Variants in NKAIN2 observed in about 807,000 individuals in gnomAD.
The protein encoded by NKAIN2 is sodium/potassium transporting ATPase interacting 2, also known as sodium/potassium-transporting ATPase subunit beta-1-interacting protein 2.
A neutral mutation model predicts 32.6 loss-of-function variants in NKAIN2; 14 were observed. The ratio of observed to expected loss-of-function variants is 0.43; its 90% CI spans 0.28 to 0.67. The LOEUF (loss-of-function observed/expected upper bound fraction) is 0.67, where lower values mean the gene tolerates loss of function less well. NKAIN2 is among the 30% of genes least tolerant of loss of function. NKAIN2 has a pLI of 0.17. For synonymous variants in NKAIN2, 80 were observed against 87.2 expected, an observed-to-expected ratio of 0.92 and a Z score of 0.46; for missense variants, 198 against 258.3, an observed-to-expected ratio of 0.77 and a Z score of 1.60.
intron 1 of NKAIN2, among the ~76,000 whole-genome samples, chr6:124,175,885 A>G (rs185849123): frequency 4.0e-5 from 6 of 150,962 alleles, no homozygotes; most frequent in Admixed American, 2.0e-4. Context: ...TCTCTTTCTC[A>G]CTCTTTATTT....
At chr6:123,880,495 G>C (rs997933475) in intron 1 of NKAIN2, among the ~76,000 whole-genome samples, 1 of 152,138 alleles carries the variant, frequency 6.6e-6, no homozygotes, top group Non-Finnish European at 1.5e-5. Context: ...TAGCTTGGCA[G>C]CTGTAGCACC....
At chr6:124,405,537 C>CT (rs200131120) in intron 3 of NKAIN2, among the ~76,000 whole-genome samples, 24,690 of 139,242 alleles carry the variant, frequency 0.18, 2,388 homozygotes, top group East Asian at 0.25. Context: ...TTTGTTTTGT[C>CT]TTTTTTTTTT....
intron 1 of NKAIN2, among the ~76,000 whole-genome samples, chr6:124,239,396 TA>T (rs1193886299): frequency 2.0e-5 from 3 of 152,166 alleles, no homozygotes; most frequent in African/African-American, 7.2e-5. Context: ...CAAGCAGACC[TA>T]ATAGACATCT....
chr6:124,439,839 G>A (rs961521233), intron 3 of NKAIN2, among the ~76,000 whole-genome samples: 6 of 151,824 alleles, frequency 4.0e-5, no homozygotes, highest in Non-Finnish European at 8.8e-5. Context: ...TCTGGTCCCC[G>A]CACTTCATCT....
intron 3 of NKAIN2, among the ~76,000 whole-genome samples, chr6:124,466,549 A>G (rs940467531): frequency 6.6e-6 from 1 of 151,968 alleles, no homozygotes; most frequent in Non-Finnish European, 1.5e-5. Flanking sequence ...AAATCCTATG[A>G]CCTTGAAAGA....
chr6:124,610,459 T>C (rs1782649832), intron 3 of NKAIN2, among the ~76,000 whole-genome samples: 1 of 152,234 alleles, frequency 6.6e-6, no homozygotes, highest in African/African-American at 2.4e-5. Context: ...ATATTTGTCA[T>C]AGCAAAGGGA....
At chr6:123,983,921 T>G (rs1211898735) in intron 1 of NKAIN2, among the ~76,000 whole-genome samples, 2 of 152,176 alleles carry the variant, frequency 1.3e-5, no homozygotes, top group African/African-American at 4.8e-5. Flanking sequence ...TATTTATTTT[T>G]TTTGAGATGG....
chr6:124,137,256 C>A (rs1257500275), intron 1 of NKAIN2, among the ~76,000 whole-genome samples: 1 of 151,894 alleles, frequency 6.6e-6, no homozygotes, highest in East Asian at 1.9e-4. Context: ...ATCTTTTTTT[C>A]AACGACTGGA....
At chr6:124,126,100 C>G (rs886088492) in intron 1 of NKAIN2, among the ~76,000 whole-genome samples, 1 of 152,126 alleles carries the variant, frequency 6.6e-6, no homozygotes, top group Non-Finnish European at 1.5e-5. Context: ...TGTCCTTCAT[C>G]CTAACTCAGG....
At chr6:124,116,886 A>C (rs1181186237) in intron 1 of NKAIN2, among the ~76,000 whole-genome samples, 2 of 152,114 alleles carry the variant, frequency 1.3e-5, no homozygotes, top group Non-Finnish European at 2.9e-5. Flanking sequence ...TGCAGAAAAA[A>C]TAATTTAAGA....
chr6:124,323,777 ATTTTTTCT>A (rs1263570878), intron 2 of NKAIN2, among the ~76,000 whole-genome samples: 12 of 115,496 alleles, frequency 1.0e-4, no homozygotes, highest in African/African-American at 4.7e-4. Context: ...AATTCTTTTA[ATTTTTTCT>A]TTTTTTTTTT....
chr6:124,287,764 A>C (rs1313205080), intron 2 of NKAIN2, among the ~76,000 whole-genome samples: 1 of 152,164 alleles, frequency 6.6e-6, no homozygotes, highest in Non-Finnish European at 1.5e-5. Context: ...GTGATCTGAG[A>C]TATCCAGTGT....
At chr6:124,506,186 A>AG (rs1204130254) in intron 3 of NKAIN2, among the ~76,000 whole-genome samples, 2 of 151,880 alleles carry the variant, frequency 1.3e-5, no homozygotes, top group African/African-American at 2.4e-5. Flanking sequence ...GTCTAAAAAA[A>AG]AAAGAAAAAA....
intron 1 of NKAIN2, among the ~76,000 whole-genome samples, chr6:124,076,298 A>G (rs1051979829): frequency 2.0e-5 from 3 of 152,176 alleles, no homozygotes; most frequent in Non-Finnish European, 4.4e-5. Flanking sequence ...CCACTGTCTG[A>G]GCTGGAAATA....
intron 1 of NKAIN2, among the ~76,000 whole-genome samples, chr6:124,029,387 C>G (rs1211149680): frequency 1.3e-5 from 2 of 149,302 alleles, no homozygotes; most frequent in Admixed American, 1.3e-4. Flanking sequence ...ATTTACCGTT[C>G]ATTTTATTTA....
chr6:124,708,264 G>A (rs937125679), intron 4 of NKAIN2, among the ~76,000 whole-genome samples: 1 of 150,448 alleles, frequency 6.6e-6, no homozygotes, highest in African/African-American at 2.5e-5. Context: ...ATAGTTTGAA[G>A]TCAGGTAGTG....
At chr6:124,359,180 G>A (rs1799147083) in intron 3 of NKAIN2, among the ~76,000 whole-genome samples, 1 of 152,164 alleles carries the variant, frequency 6.6e-6, no homozygotes, top group African/African-American at 2.4e-5. Flanking sequence ...CTGTAGCCTT[G>A]TAGTATAGTT....
intron 1 of NKAIN2, among the ~76,000 whole-genome samples, chr6:123,984,426 T>C (rs1779041003): frequency 1.3e-5 from 2 of 152,138 alleles, no homozygotes; most frequent in African/African-American, 2.4e-5. Flanking sequence ...TTACATATGA[T>C]TCTAAAATGT....
intron 4 of NKAIN2, among the ~76,000 whole-genome samples, chr6:124,740,113 A>C (rs1042361145): frequency 6.6e-6 from 1 of 151,610 alleles, no homozygotes; most frequent in East Asian, 2.0e-4. Context: ...AAAATAACTA[A>C]AAGTTGGTTG....
Sources: gnomAD v4.1 joint callset for allele counts (sites outside exome capture counted in the v4.1 genomes callset) on GRCh38, gnomAD v4.1.1 for gene constraint, MANE v1.5 for transcripts, NCBI Gene and HGNC (gene_info 2026-07-23, HGNC 2026-07-21) for gene names.